DPEP1: variants seen among roughly 807,000 people sequenced by gnomAD.
DPEP1 encodes the protein dipeptidase 1, also known as beta-lactamase.
A neutral mutation model predicts 42.3 loss-of-function variants in DPEP1; 50 were observed. The ratio of observed to expected loss-of-function variants is 1.18; its 90% confidence interval spans 0.94 to 1.50. The LOEUF (loss-of-function observed/expected upper bound fraction) is 1.50. Among genes scored for constraint, DPEP1 ranks in the 40% most tolerant of loss-of-function variants. DPEP1 has a pLI of 0.00. For missense variants in DPEP1, 663 were observed against 553.0 expected, an observed-to-expected ratio of 1.20 and a Z score of -1.99; for synonymous variants, 297 against 234.0, an observed-to-expected ratio of 1.27 and a Z score of -2.46.
At chr16:89,638,769 G>GCA (rs1202772375), downstream of DPEP1, among the ~76,000 whole-genome samples, 1 of 45,062 alleles carries the variant, frequency 2.2e-5, no homozygotes, top group Non-Finnish European at 4.0e-5. Flanking sequence ...ATCCCTGCAC[G>GCA]CACACACCCC....
chr16:89,636,945 G>T lies in DPEP1; in HGVS notation c.591+10G>T. ...GTCACCCTTTGGGCAGGTGAGTGGG[G>T]TGGGAGCGGCCAGTCACCCCCGAGG... On this transcript the variant is annotated intron_variant, in intron 6 of 10. Transcript: ENST00000690203. The T allele has an allele frequency of 6.2e-7, 1 of 1,612,006 alleles. No individual in the cohort carries two copies. The highest frequency in any genetic ancestry group is 8.5e-7 in the Non-Finnish European group (1 of 1,179,824).
At chr16:89,634,372 C>T (rs2151497186) in intron 2 of DPEP1, among the ~76,000 whole-genome samples, 1 of 152,226 alleles carries the variant, frequency 6.6e-6, no homozygotes, top group South Asian at 2.1e-4. Flanking sequence ...CAGGCATGAG[C>T]CACCCTGCCT....
At chr16:89,622,502 C>G (rs560510869) in intron 1 of DPEP1, among the ~76,000 whole-genome samples, 1 of 152,146 alleles carries the variant, frequency 6.6e-6, no homozygotes, top group East Asian at 1.9e-4. Context: ...ATAACGCACT[C>G]GGGCCGGGCG....
At chr16:89,629,496 C>T (rs1033621650) in intron 1 of DPEP1, among the ~76,000 whole-genome samples, 3 of 129,908 alleles carry the variant, frequency 2.3e-5, no homozygotes, top group Admixed American at 8.3e-5. Flanking sequence ...TCCTTCCCTG[C>T]CGGGCTCCCC....
chr16:89,630,262 C>T (rs2059566982), intron 1 of DPEP1, 43 bp from the exon 2 acceptor site: 2 of 553,558 alleles, frequency 3.6e-6, no homozygotes, highest in East Asian at 3.4e-5. Flanking sequence ...GAGCAGCCAC[C>T]TGTCATCACT....
intron 1 of DPEP1, among the ~76,000 whole-genome samples, chr16:89,627,834 AT>A (rs1426855436): frequency 6.7e-6 from 1 of 148,552 alleles, no homozygotes; most frequent in Non-Finnish European, 1.5e-5. Flanking sequence ...AAATTTTTGT[AT>A]TTTTAGTAGA....
chr16:89,640,468 C>G (rs1321149642), downstream of DPEP1: 1 of 741,022 alleles, frequency 1.3e-6, no homozygotes, highest in Non-Finnish European at 1.6e-6. Flanking sequence ...GAGCAGGGGG[C>G]TCCGGGGTCC....
intron 1 of DPEP1, among the ~76,000 whole-genome samples, chr16:89,624,180 T>G (rs1262489503): frequency 6.6e-6 from 1 of 152,090 alleles, no homozygotes; most frequent in Non-Finnish European, 1.5e-5. Flanking sequence ...GGAATAGGGT[T>G]TAGTCTGCTT....
chr16:89,614,227 C>T (rs2059359452), intron 1 of DPEP1, among the ~76,000 whole-genome samples: 1 of 152,142 alleles, frequency 6.6e-6, no homozygotes, highest in Non-Finnish European at 1.5e-5. Context: ...ACCCGCCAGG[C>T]CCTCCAGAGG....
chr16:89,628,478 G>T (rs528684671), intron 1 of DPEP1, among the ~76,000 whole-genome samples: 5 of 148,558 alleles, frequency 3.4e-5, no homozygotes, highest in African/African-American at 1.2e-4. Context: ...GGCTGATCTC[G>T]AACTCCTGAC....
At chr16:89,635,289 A>G (rs971555913) in intron 2 of DPEP1, among the ~76,000 whole-genome samples, 1 of 151,644 alleles carries the variant, frequency 6.6e-6, no homozygotes. Context: ...AAAACCTTGG[A>G]GAACTTCAGT....
intron 1 of DPEP1, among the ~76,000 whole-genome samples, chr16:89,616,534 C>G (rs2059380551): frequency 6.6e-6 from 1 of 152,182 alleles, no homozygotes; most frequent in South Asian, 2.1e-4. Context: ...GAGGACAGGG[C>G]GATTGCTCCA....
intron 1 of DPEP1, among the ~76,000 whole-genome samples, chr16:89,623,346 C>T (rs1325367108): frequency 1.3e-5 from 2 of 152,082 alleles, no homozygotes; most frequent in African/African-American, 2.4e-5. Context: ...AACCGGGCAT[C>T]TCCGGAGCTC....
intron 1 of DPEP1, among the ~76,000 whole-genome samples, chr16:89,630,002 A>C (rs544604152): frequency 3.9e-5 from 6 of 152,082 alleles, no homozygotes; most frequent in Non-Finnish European, 8.8e-5. Context: ...GTCCTGAGGG[A>C]GGTGGTAGTA....
chr16:89,631,329 C>CT (rs2059585394), intron 2 of DPEP1, among the ~76,000 whole-genome samples: 1 of 152,170 alleles, frequency 6.6e-6, no homozygotes, highest in South Asian at 2.1e-4. Context: ...ATCCGACCCT[C>CT]TTCCCCGCCC....
At chr16:89,621,997 C>A (rs1219246532) in intron 1 of DPEP1, among the ~76,000 whole-genome samples, 1 of 152,112 alleles carries the variant, frequency 6.6e-6, no homozygotes, top group Non-Finnish European at 1.5e-5. Context: ...GGAGACAGAG[C>A]TGGGTGGAAA....
chr16:89,616,196 G>A (rs557513854), intron 1 of DPEP1, among the ~76,000 whole-genome samples: 332 of 152,288 alleles, frequency 2.2e-3, no homozygotes, highest in African/African-American at 7.7e-3. Context: ...GGGGGAGTCA[G>A]TGCTGTGGGG....
At chr16:89,639,097 ACAC>A (rs2059722501), downstream of DPEP1, among the ~76,000 whole-genome samples, 1 of 23,754 alleles carries the variant, frequency 4.2e-5, no homozygotes, top group Non-Finnish European at 7.5e-5. Context: ...CTGCACACAC[ACAC>A]CCCCACCCCT....
rs1464115129 is a variant in DPEP1, at chr16:89,638,274, C to A, written c.*52C>A. On this transcript the variant is annotated 3_prime_UTR_variant, in exon 11 of 11. Transcript: ENST00000690203. ...GGGTTCCCGGAGCTCCGGGAAGACC[C>A]GCCCATCCCAGGACTCCAGATGCCA... 6.7e-7 allele frequency: 1 copy of A among 1,488,482 alleles called. No individual in the cohort carries two copies. Among genetic ancestry groups the A allele is most frequent in the Non-Finnish European group, 8.9e-7 (1 of 1,121,328 alleles). 92.2% of individuals were successfully genotyped at this position (1,488,482 alleles called of 1,614,324 possible). A position where few individuals can be genotyped will look rare whatever the true frequency, so the allele number is the denominator to read the frequency against.
Sources: allele counts gnomAD v4.1 joint callset (sites outside exome capture counted in the v4.1 genomes callset), GRCh38; gene constraint gnomAD v4.1.1; transcripts MANE v1.5; gene names NCBI Gene and HGNC (gene_info 2026-07-23, HGNC 2026-07-21).